The following LRRIQ4 variants were observed in gnomAD, a reference collection of about 807,000 sequenced individuals.
LRRIQ4 encodes leucine rich repeats and IQ motif containing 4.
In LRRIQ4, 21 loss-of-function variants were observed where a neutral mutation model predicts 40.1. The observed-to-expected ratio is 0.52, with a 90% confidence interval of 0.37 to 0.75. LRRIQ4 has a LOEUF of 0.75. LRRIQ4 is among the 30% of genes least tolerant of loss of function. The pLI is 0.00. For synonymous variants in LRRIQ4, 277 were observed against 277.1 expected (o/e 1.00, Z 0.00); for missense variants, 655 against 660.0 (o/e 0.99, Z 0.08).
chr3:169,837,507 T>C lies in LRRIQ4; in HGVS notation c.1559T>C (p.Val520Ala). 1 of 1,609,886 alleles carries C rather than the reference T, an allele frequency of 6.2e-7. No homozygotes were observed. The highest frequency in any genetic ancestry group is 8.5e-7 in the Non-Finnish European group (1 of 1,178,666). ...KIQAWWRGTM[V>A]QRGFGKFGEL... Reference sequence around the variant, plus strand: ...CAGGCATGGTGGCGTGGAACAATGGTACAGAGAGGATTTGGGAAATTCGGT... The same window carrying C: ...CAGGCATGGTGGCGTGGAACAATGGCACAGAGAGGATTTGGGAAATTCGGT... The change falls in exon 6 of 6, where the codon GTA becomes GCA. Residue 520 changes from valine (V) to alanine (A), a missense_variant. Coordinates refer to ENST00000340806, the MANE Select transcript of LRRIQ4 (RefSeq NM_001080460.3).
chr3:169,823,429 C>T (rs1215770301), intron 2 of LRRIQ4, among the ~76,000 whole-genome samples: 5 of 150,234 alleles, frequency 3.3e-5, no homozygotes, highest in African/African-American at 4.9e-5. Context: ...CTCACTGCAA[C>T]GTCCACCTCC....
intron 4 of LRRIQ4, among the ~76,000 whole-genome samples, chr3:169,831,206 CT>C (rs199915947): frequency 0.016 from 1,464 of 90,574 alleles, 20 homozygotes; most frequent in East Asian, 0.084. Flanking sequence ...TTAAATGTTT[CT>C]TTTTTTTTTT....
chr3:169,827,512 C>A (rs1455669751), intron 2 of LRRIQ4, among the ~76,000 whole-genome samples: 1 of 145,388 alleles, frequency 6.9e-6, no homozygotes, highest in Non-Finnish European at 1.5e-5. Context: ...GAGGCTGAGG[C>A]AGGAGAATGG....
chr3:169,837,126 G>A (rs28628676), intron 5 of LRRIQ4, among the ~76,000 whole-genome samples: 3,328 of 152,198 alleles, frequency 0.022, 112 homozygotes, highest in African/African-American at 0.076. Context: ...CACCATGTGC[G>A]GTCACTCTCC....
At chr3:169,831,709 C>T (rs1780183255) in intron 4 of LRRIQ4, among the ~76,000 whole-genome samples, 1 of 151,334 alleles carries the variant, frequency 6.6e-6, no homozygotes, top group African/African-American at 2.4e-5. Context: ...GTGCTCACGC[C>T]TGTAATCTCA....
At position 169,830,557 on chromosome 3, in the gene LRRIQ4, G is replaced by C. The variant is rs1196622545; in HGVS notation, c.1260G>C (p.Met420Ile). 1.2e-6 allele frequency: 2 copies of C among 1,613,368 alleles called. No homozygotes were observed. The highest frequency in any genetic ancestry group is 1.7e-6 in the Non-Finnish European group (2 of 1,179,676). ...ACCTGCCCGTATCCTTGGGGTCAAT[G>C]CCTAACCTAGAAGTTCTTGATTGCC... Reference protein sequence around the residue: ...LEYLPVSLGSMPNLEVLDCRH... With the variant: ...LEYLPVSLGSIPNLEVLDCRH... Residue 420 changes from methionine (M) to isoleucine (I), a missense_variant, in exon 4 of 6, where the codon ATG becomes ATC. Met to Ile is a conservative substitution (Grantham distance 10, BLOSUM62 1). Transcript: ENST00000340806.
intron 3 of LRRIQ4, 100 bp downstream of exon 3, chr3:169,829,032 A>C: frequency 9.5e-7 from 1 of 1,055,390 alleles, no homozygotes; most frequent in African/African-American, 1.6e-5. Flanking sequence ...TGGATGTAGA[A>C]TCATCCATAC....
At chr3:169,813,940 C>G (rs1281946516) in intron 1 of LRRIQ4, among the ~76,000 whole-genome samples, 1 of 152,152 alleles carries the variant, frequency 6.6e-6, no homozygotes, top group Non-Finnish European at 1.5e-5. Context: ...GCTCCGAACT[C>G]ACCGCAGCGT....
At chr3:169,814,850 C>T (rs1327790720) in intron 1 of LRRIQ4, among the ~76,000 whole-genome samples, 1 of 152,162 alleles carries the variant, frequency 6.6e-6, no homozygotes, top group Admixed American at 6.5e-5. Flanking sequence ...CATTCTTCTG[C>T]ATATGGATAT....
chr3:169,813,504 A>C (rs930119797), intron 1 of LRRIQ4, among the ~76,000 whole-genome samples: 1 of 152,168 alleles, frequency 6.6e-6, no homozygotes, highest in African/African-American at 2.4e-5. Flanking sequence ...GAGGCAGGAA[A>C]ATAGGGTCTG....
intron 5 of LRRIQ4, among the ~76,000 whole-genome samples, chr3:169,835,821 T>A (rs1389198979): frequency 6.6e-6 from 1 of 152,190 alleles, no homozygotes; most frequent in Non-Finnish European, 1.5e-5. Flanking sequence ...CCAAGCATGT[T>A]CCTGGCTCAG....
intron 1 of LRRIQ4, among the ~76,000 whole-genome samples, chr3:169,817,043 G>A (rs1368069419): frequency 6.6e-6 from 1 of 151,482 alleles, no homozygotes; most frequent in Non-Finnish European, 1.5e-5. Context: ...TTTATTTGAA[G>A]TTTTCTGCTT....
chr3:169,823,380 C>T (rs531278134), intron 2 of LRRIQ4, among the ~76,000 whole-genome samples: 8 of 150,626 alleles, frequency 5.3e-5, no homozygotes, highest in Non-Finnish European at 1.0e-4. Context: ...CGGAGTCTAG[C>T]TCTATTGCAC....
chr3:169,830,745 A>G (rs1041125664), intron 4 of LRRIQ4, 115 bp downstream of exon 4: 4 of 1,276,316 alleles, frequency 3.1e-6, no homozygotes, highest in Non-Finnish European at 4.4e-6. Context: ...AACTGAGTCT[A>G]TCCCATTACT....
At chr3:169,832,364 A>G (rs1424193098) in intron 4 of LRRIQ4, among the ~76,000 whole-genome samples, 1 of 151,756 alleles carries the variant, frequency 6.6e-6, no homozygotes, top group African/African-American at 2.4e-5. Flanking sequence ...GCTACTCAGG[A>G]GAATGAGGCA....
At chr3:169,830,409 A>AAAAAAAAAAAAAAAAAAT in intron 3 of LRRIQ4, 83 bp from the exon 4 acceptor site, 2 of 508,546 alleles carry the variant, frequency 3.9e-6, no homozygotes, top group Non-Finnish European at 2.9e-6. Flanking sequence ...AAAAAAAAAA[A>AAAAAAAAAAAAAAAAAAT]TGCATGAGCA....
At chr3:169,824,036 C>T (rs995796554) in intron 2 of LRRIQ4, among the ~76,000 whole-genome samples, 1 of 151,952 alleles carries the variant, frequency 6.6e-6, no homozygotes, top group Non-Finnish European at 1.5e-5. Flanking sequence ...CTTATGATAC[C>T]ATTTATAAAT....
intron 3 of LRRIQ4, among the ~76,000 whole-genome samples, chr3:169,829,654 A>G (rs1356476244): frequency 2.0e-5 from 3 of 151,500 alleles, no homozygotes; most frequent in Middle Eastern, 3.4e-3. Flanking sequence ...GGCGCCCACC[A>G]CCACACCTGG....
Position 169,828,936 on chromosome 3 carries a change from A to C in LRRIQ4, c.1194+4A>C. On this transcript the variant is annotated splice_donor_region_variant and intron_variant, in intron 3 of 5. Coordinates refer to ENST00000340806, the MANE Select transcript of LRRIQ4 (RefSeq NM_001080460.3). The stretch of plus-strand genomic sequence containing the variant: ...AGAACACATTAGGAAACTGCAGGTA[A>C]GCCTCCCCAAATGAGCAGGCTAAGA... 1 of 1,600,846 alleles carries C rather than the reference A, an allele frequency of 6.2e-7. No individual in the cohort carries two copies. Among genetic ancestry groups the C allele is most frequent in the South Asian group, 1.1e-5 (1 of 88,076 alleles).
Sources: gnomAD v4.1 joint callset for allele counts (sites outside exome capture counted in the v4.1 genomes callset) on GRCh38, gnomAD v4.1.1 for gene constraint, MANE v1.5 for transcripts, NCBI Gene and HGNC (gene_info 2026-07-23, HGNC 2026-07-21) for gene names.